The following TNRC6A variants were observed in gnomAD, a reference collection of about 807,000 sequenced individuals.
TNRC6A encodes the protein trinucleotide repeat-containing gene 6A protein.
In TNRC6A, 44 loss-of-function variants were observed where a neutral mutation model predicts 221.2. The observed-to-expected ratio is 0.20, with a 90% CI of 0.16 to 0.26. The LOEUF is 0.26. TNRC6A is among the 10% of genes least tolerant of loss of function. The pLI is 1.00. For missense variants in TNRC6A, 2,199 were observed against 2,404.4 expected (o/e 0.91, Z 1.79); for synonymous variants, 847 against 838.5 (o/e 1.01, Z -0.18).
chr16:24,820,639 G>A (rs950681960), intron 22 of TNRC6A, among the ~76,000 whole-genome samples: 2 of 152,244 alleles, frequency 1.3e-5, no homozygotes, highest in Admixed American at 1.3e-4. Context: ...CACATCACAT[G>A]GAGCAGAAGG....
At chr16:24,734,600 G>C (rs2056720895) in intron 2 of TNRC6A, among the ~76,000 whole-genome samples, 1 of 152,194 alleles carries the variant, frequency 6.6e-6, no homozygotes, top group Non-Finnish European at 1.5e-5. Flanking sequence ...ACTTACGCAA[G>C]TTTATATTCT....
chr16:24,671,706 G>A (rs954429041), intron 2 of TNRC6A, among the ~76,000 whole-genome samples: 18 of 152,126 alleles, frequency 1.2e-4, no homozygotes, highest in Non-Finnish European at 2.6e-4. Flanking sequence ...GCCTGGATGA[G>A]CTCTTAAAAA....
At position 24,660,739 on chromosome 16, in the gene TNRC6A, CT is replaced by C. The variant is rs58299677; in HGVS notation, n.402+19750del. Among the ~76,000 whole-genome samples, 187 of 91,288 alleles carry C rather than the reference CT, an allele frequency of 2.0e-3. 1 individual carries two copies. Among genetic ancestry groups the C allele is most frequent in the Admixed American group, 0.018 (124 of 6,982 alleles). The allele number at this position is 91,288 out of a possible 152,430, so 59.9% of individuals were successfully genotyped here. The stretch of plus-strand genomic sequence containing the variant: ...TCTTTTTCTTTTTTCTTTTTTTTTT[CT>C]TTTTTTTTTTTTTTTTTTTGAGACG... On this transcript the variant is annotated intron_variant and non_coding_transcript_variant, in intron 2 of 2. Transcript: ENST00000566108.
rs191642342 is a variant in TNRC6A at position 24,709,055 on chromosome 16, G to A, written n.403-41671G>A. 2.8e-3 allele frequency among the ~76,000 whole-genome samples: 427 copies of A among 152,082 alleles called. 4 individuals carry two copies. Among genetic ancestry groups the A allele is most frequent in the African/African-American group, 9.8e-3 (408 of 41,500 alleles). ...GCAGATTGCCTGAGGTCGGGAGTTC[G>A]AGACCAGCCTGATCAACATGGAGAA... On this transcript the variant is annotated intron_variant and non_coding_transcript_variant, in intron 2 of 2. Coordinates refer to the TNRC6A transcript ENST00000566108.
rs564010348 is a variant in TNRC6A, at chr16:24,634,445, T to A, written n.277-6439T>A. 2.6e-5 allele frequency among the ~76,000 whole-genome samples: 4 copies of A among 152,004 alleles called. No individual in the cohort carries two copies. In the South Asian group the frequency reaches 6.2e-4, roughly 24 times the overall value. ...ACCCTGTCTCAGATAAATAAATAAA[T>A]AAATGCACATTGAATATACCAGATT... On this transcript the variant is annotated intron_variant and non_coding_transcript_variant, in intron 1 of 2. Coordinates refer to the TNRC6A transcript ENST00000566108.
chr16:24,789,747 G>T lies in TNRC6A; in HGVS notation c.1105G>T (p.Ala369Ser), dbSNP rs756625518. Residue 369 changes from alanine to serine, a missense_variant, in exon 6 of 25, where the codon GCC (alanine) becomes TCC (serine). This residue lies in a region of TNRC6A where 1,405 missense variants were observed against 1,400.2 expected (regional missense o/e 1.00). Coordinates refer to ENST00000395799, the MANE Select transcript of TNRC6A (RefSeq NM_014494.4). ...TTTGAATTCAGCTAGCAACCATGGT[G>T]CCTGGCCAGTATTAGAGAACAATGG... ...STLNSASNHGAWPVLENNGLA... is the reference protein window; with the variant it reads ...STLNSASNHGSWPVLENNGLA... 6.2e-7 allele frequency: 1 copy of T among 1,614,094 alleles called. No individual in the cohort carries two copies. Among genetic ancestry groups the T allele is most frequent in the Non-Finnish European group, 8.5e-7 (1 of 1,180,044 alleles).
chr16:24,818,852 T>C, intron 21 of TNRC6A, 152 bp downstream of exon 21: 1 of 669,552 alleles, frequency 1.5e-6, no homozygotes, highest in Non-Finnish European at 2.7e-6. Flanking sequence ...CCCTTACTCC[T>C]TTTTAAACTT....
intron 2 of TNRC6A, among the ~76,000 whole-genome samples, chr16:24,645,014 G>T (rs1164893471): frequency 6.6e-6 from 1 of 152,120 alleles, no homozygotes; most frequent in Non-Finnish European, 1.5e-5. Context: ...AGCTGTCATT[G>T]AAAACATTTG....
At chr16:24,674,187 A>T (rs2142012764) in intron 2 of TNRC6A, among the ~76,000 whole-genome samples, 1 of 152,206 alleles carries the variant, frequency 6.6e-6, no homozygotes, top group East Asian at 1.9e-4. Context: ...CCTCCACCTC[A>T]GCCTCCTGAG....
chr16:24,693,821 G>A (rs1474837078), intron 2 of TNRC6A, among the ~76,000 whole-genome samples: 2 of 150,448 alleles, frequency 1.3e-5, no homozygotes, highest in South Asian at 2.1e-4. Flanking sequence ...GATCAGTTGA[G>A]CCCAGGATGT....
chr16:24,794,052 A>G (rs2058167961), intron 7 of TNRC6A, among the ~76,000 whole-genome samples: 1 of 152,208 alleles, frequency 6.6e-6, no homozygotes, highest in Non-Finnish European at 1.5e-5. Context: ...GAAAAGACCC[A>G]AGATTGAAAT....
At chr16:24,708,264 G>A (rs1196577823) in intron 2 of TNRC6A, among the ~76,000 whole-genome samples, 3 of 147,762 alleles carry the variant, frequency 2.0e-5, no homozygotes, top group Non-Finnish European at 3.0e-5. Context: ...TTTTTGAGAC[G>A]GAGTCTCGCT....
intron 2 of TNRC6A, among the ~76,000 whole-genome samples, chr16:24,712,957 G>A (rs898615090): frequency 2.1e-5 from 3 of 144,442 alleles, no homozygotes; most frequent in Non-Finnish European, 3.1e-5. Context: ...GTGTGTGTGT[G>A]TATAGAGGTG....
chr16:24,611,005 G>GT (rs1262299457), intron 1 of TNRC6A, among the ~76,000 whole-genome samples: 7 of 151,946 alleles, frequency 4.6e-5, no homozygotes, highest in African/African-American at 1.7e-4. Flanking sequence ...TAGAGATGGG[G>GT]TTTCACCATG....
intron 2 of TNRC6A, among the ~76,000 whole-genome samples, chr16:24,705,243 A>G (rs1303870044): frequency 6.6e-6 from 1 of 152,176 alleles, no homozygotes; most frequent in Non-Finnish European, 1.5e-5. Context: ...CAGTTAATGC[A>G]TGGCACATCT....
intron 11 of TNRC6A, among the ~76,000 whole-genome samples, chr16:24,800,961 T>A (rs553354665): frequency 6.6e-6 from 1 of 152,292 alleles, no homozygotes; most frequent in South Asian, 2.1e-4. Flanking sequence ...AGAGTCCAGA[T>A]ATATTTTCAT....
intron 2 of TNRC6A, among the ~76,000 whole-genome samples, chr16:24,651,020 T>A (rs79372922): frequency 0.12 from 18,200 of 151,962 alleles, 1,549 homozygotes; most frequent in East Asian, 0.31. Context: ...TCCGTGTAGA[T>A]CTATCAAACA....
At chr16:24,630,376 A>G (rs1392770974) in intron 1 of TNRC6A, among the ~76,000 whole-genome samples, 1 of 152,168 alleles carries the variant, frequency 6.6e-6, no homozygotes, top group Non-Finnish European at 1.5e-5. Context: ...AAAAACACAA[A>G]GCAAGGACCA....
Position 24,823,866 on chromosome 16 carries a change from T to C in TNRC6A, c.*59T>C, listed in dbSNP as rs908259934. 2 of 1,368,110 alleles carry C rather than the reference T, an allele frequency of 1.5e-6. No individual in the cohort carries two copies. Among genetic ancestry groups the C allele is most frequent in the Admixed American group, 3.0e-5 (1 of 33,650 alleles). The allele number at this position is 1,368,110 out of a possible 1,614,324, so 84.7% of individuals were successfully genotyped here. On this transcript the variant is annotated 3_prime_UTR_variant, in exon 25 of 25. Coordinates refer to ENST00000395799, the MANE Select transcript of TNRC6A (RefSeq NM_014494.4). The surrounding 1 kb of genome is among the most constrained non-coding windows in gnomAD (Gnocchi z 4.3). The stretch of plus-strand genomic sequence containing the variant: ...AGACGCGAGGGAAAGGAGCACTAAG[T>C]GGGGCTCGCCGCCTGCAGCCAGGGG...
Sources: allele counts gnomAD v4.1 joint callset (sites outside exome capture counted in the v4.1 genomes callset), GRCh38; gene constraint gnomAD v4.1.1; regional missense constraint gnomAD v4.1.1; non-coding constraint Gnocchi (gnomAD v3.1); transcripts MANE v1.5; gene names NCBI Gene and HGNC (gene_info 2026-07-23, HGNC 2026-07-21).